SGCG: variants seen among roughly 807,000 people sequenced by gnomAD.
SGCG encodes gamma-sarcoglycan.
Under a neutral mutation model 29.3 loss-of-function variants are expected in SGCG, and 26 were observed. That is an observed-to-expected ratio of 0.89 (90% CI 0.65 to 1.23). SGCG has a LOEUF of 1.23. SGCG is among the 50% of genes most tolerant of loss of function. The pLI, the probability that SGCG is intolerant of heterozygous loss-of-function variation, is 0.00. For synonymous variants in SGCG, 145 were observed against 129.7 expected (o/e 1.12, Z -0.80); for missense variants, 353 against 356.0 (o/e 0.99, Z 0.07).
chr13:23,229,588 T>C (rs2137538681), intron 2 of SGCG, among the ~76,000 whole-genome samples: 1 of 152,358 alleles, frequency 6.6e-6, no homozygotes, highest in Admixed American at 6.5e-5. Context: ...ATGTGTGTTT[T>C]CTTTTGAAAA....
At chr13:23,220,277 A>C (rs1593180344) in intron 2 of SGCG, among the ~76,000 whole-genome samples, 1 of 151,040 alleles carries the variant, frequency 6.6e-6, no homozygotes, top group Non-Finnish European at 1.5e-5. Context: ...ACATGGAGAA[A>C]CCCGTCTCTA....
chr13:23,285,738 G>A (rs562903459), intron 5 of SGCG, among the ~76,000 whole-genome samples: 2 of 152,216 alleles, frequency 1.3e-5, no homozygotes, highest in African/African-American at 4.8e-5. Flanking sequence ...CCCTGGTGGT[G>A]TAGGCACCTG....
chr13:23,292,533 G>C (rs1470436501), intron 5 of SGCG, among the ~76,000 whole-genome samples: 2 of 152,112 alleles, frequency 1.3e-5, no homozygotes, highest in African/African-American at 2.4e-5. Context: ...TATTTATTTT[G>C]ACCCAACACT....
intron 6 of SGCG, among the ~76,000 whole-genome samples, chr13:23,310,083 T>C (rs1251341894): frequency 8.5e-6 from 1 of 117,378 alleles, no homozygotes; most frequent in Non-Finnish European, 1.9e-5. Context: ...TTTCTCTTTT[T>C]TTTTTTTTTT....
the SGCG span, chr13:23,170,564 T>C: frequency 6.6e-6 from 1 of 152,534 alleles, no homozygotes; most frequent in African/African-American, 2.4e-5. Context: ...GAATTGCTGC[T>C]TCTCCTCTTC....
At chr13:23,224,408 C>A (rs981386275) in intron 2 of SGCG, among the ~76,000 whole-genome samples, 3 of 152,132 alleles carry the variant, frequency 2.0e-5, no homozygotes, top group Non-Finnish European at 2.9e-5. Flanking sequence ...AGATGGGGAT[C>A]TAGTCTAATA....
intron 1 of SGCG, among the ~76,000 whole-genome samples, chr13:23,198,760 C>T (rs973325881): frequency 4.2e-5 from 6 of 142,220 alleles, no homozygotes; most frequent in Non-Finnish European, 7.6e-5. Context: ...GCAGGAGAAT[C>T]GCTTGAACCC....
chr13:23,270,402 CT>C (rs758613454), intron 4 of SGCG, among the ~76,000 whole-genome samples: 12 of 152,100 alleles, frequency 7.9e-5, no homozygotes, highest in Non-Finnish European at 1.6e-4. Context: ...GTCAGTGTTG[CT>C]TTAATTTGCA....
the SGCG span, among the ~76,000 whole-genome samples, chr13:23,163,781 C>T: frequency 0.38 from 57,079 of 151,946 alleles, 13,010 homozygotes; most frequent in African/African-American, 0.63. Context: ...AATTTTTAAA[C>T]ATGAAAAATT....
intron 4 of SGCG, among the ~76,000 whole-genome samples, chr13:23,256,959 C>T (rs1880209071): frequency 6.6e-6 from 1 of 152,210 alleles, no homozygotes; most frequent in Admixed American, 6.5e-5. Context: ...GCCACACTCT[C>T]TTCCACAATG....
At chr13:23,295,615 C>A in intron 6 of SGCG, 128 bp downstream of exon 6, 1 of 762,504 alleles carries the variant, frequency 1.3e-6, no homozygotes, top group Non-Finnish European at 2.3e-6. Flanking sequence ...ATTTTCAAGA[C>A]TTTCCGCTTA....
intron 6 of SGCG, among the ~76,000 whole-genome samples, chr13:23,315,891 C>A (rs950224480): frequency 2.0e-5 from 3 of 152,176 alleles, no homozygotes; most frequent in East Asian, 3.9e-4. Flanking sequence ...TGAGTGCTCA[C>A]CAACTGGTGA....
intron 4 of SGCG, among the ~76,000 whole-genome samples, chr13:23,274,665 A>C (rs1881003470): frequency 6.6e-6 from 1 of 151,950 alleles, no homozygotes; most frequent in African/African-American, 2.4e-5. Flanking sequence ...CTCGTGATCC[A>C]CCGGCCTCGG....
chr13:23,306,354 T>C (rs563203841), intron 6 of SGCG, among the ~76,000 whole-genome samples: 4 of 152,340 alleles, frequency 2.6e-5, no homozygotes, highest in Non-Finnish European at 4.4e-5. Context: ...TTAATATTAA[T>C]AGTGTATTTC....
At chr13:23,250,521 G>A in intron 3 of SGCG, 109 bp from the exon 4 acceptor site, 1 of 700,164 alleles carries the variant, frequency 1.4e-6, no homozygotes, top group Non-Finnish European at 2.6e-6. Flanking sequence ...TCCAGGATCT[G>A]TAACAATGGA....
At chr13:23,255,179 G>A (rs543594973) in intron 4 of SGCG, among the ~76,000 whole-genome samples, 4 of 152,238 alleles carry the variant, frequency 2.6e-5, no homozygotes, top group East Asian at 1.9e-4. Context: ...AAAAGCCACC[G>A]GCACTCAACT....
chr13:23,199,656 A>G (rs1430732618), intron 1 of SGCG, among the ~76,000 whole-genome samples: 1 of 152,214 alleles, frequency 6.6e-6, no homozygotes, highest in Admixed American at 6.5e-5. Flanking sequence ...TTTTTATGCA[A>G]TGCAGTGAAC....
chr13:23,252,420 G>A (rs1046235403), intron 4 of SGCG, among the ~76,000 whole-genome samples: 7 of 152,112 alleles, frequency 4.6e-5, no homozygotes, highest in East Asian at 3.8e-4. Context: ...GGCCGGGCAC[G>A]GTGGCTCACG....
chr13:23,228,674 G>A (rs1220285395), intron 2 of SGCG, among the ~76,000 whole-genome samples: 1 of 151,930 alleles, frequency 6.6e-6, no homozygotes, highest in African/African-American at 2.4e-5. Context: ...ATGTTTCCAT[G>A]TGTTCTCATT....
Sources: gnomAD v4.1 joint callset for allele counts (sites outside exome capture counted in the v4.1 genomes callset) on GRCh38, gnomAD v4.1.1 for gene constraint, MANE v1.5 for transcripts, NCBI Gene and HGNC (gene_info 2026-07-23, HGNC 2026-07-21) for gene names.